Variants in PTPRD observed in about 807,000 individuals in gnomAD.
The protein encoded by PTPRD is protein tyrosine phosphatase receptor type D.
In PTPRD, 34 loss-of-function variants were observed where a neutral mutation model predicts 214.5. The ratio of observed to expected loss-of-function variants is 0.16; its 90% CI spans 0.12 to 0.21. The LOEUF (loss-of-function observed/expected upper bound fraction) is 0.21, where lower values mean the gene tolerates loss of function less well. PTPRD is among the 10% of genes least tolerant of loss of function. The probability of loss-of-function intolerance (pLI) is 1.00; values close to 1 mark genes in which losing one functional copy is unlikely to be tolerated. For synonymous variants in PTPRD, 1,128 were observed against 845.7 expected (o/e 1.33, Z -5.79); for missense variants, 2,545 against 2,398.7 (o/e 1.06, Z -1.27).
intron 11 of PTPRD, among the ~76,000 whole-genome samples, chr9:8,907,533 A>AAAAAAT (rs3046919): frequency 1.5e-4 from 18 of 118,228 alleles, no homozygotes; most frequent in African/African-American, 5.3e-4. Flanking sequence ...AAAAAAAAAA[A>AAAAAAT]ATATATATAT....
chr9:9,882,177 C>G (rs2068946954), intron 5 of PTPRD, among the ~76,000 whole-genome samples: 2 of 152,088 alleles, frequency 1.3e-5, no homozygotes, highest in Admixed American at 1.3e-4. Flanking sequence ...TTTCTCTCCT[C>G]CAACATGCCC....
At position 8,413,488 on chromosome 9, in the gene PTPRD, C is replaced by G. The variant is rs10977061; in HGVS notation, c.4087-8828G>C. ...TAATCACTTAAAAAACTCTTGTACC[C>G]CATTTCATACCAAATGTATTTAGTA... On this transcript the variant is annotated intron_variant, in intron 35 of 45. Transcript: ENST00000381196. 6.2e-3 allele frequency among the ~76,000 whole-genome samples: 937 copies of G among 152,182 alleles called. 12 individuals are homozygous for G. The highest frequency in any genetic ancestry group is 0.022 in the African/African-American group (894 of 41,528).
At chr9:9,734,207 A>C (rs1356573993) in intron 7 of PTPRD, among the ~76,000 whole-genome samples, 2 of 152,140 alleles carry the variant, frequency 1.3e-5, no homozygotes, top group African/African-American at 2.4e-5. Flanking sequence ...AAAATTTTCC[A>C]CATTTTACCG....
At chr9:10,392,217 A>G (rs1045598812) in intron 2 of PTPRD, among the ~76,000 whole-genome samples, 5 of 152,020 alleles carry the variant, frequency 3.3e-5, no homozygotes, top group African/African-American at 1.2e-4. Flanking sequence ...AGATATAATC[A>G]TGCATAATGT....
At chr9:8,534,022 G>C (rs2076329612) in intron 14 of PTPRD, among the ~76,000 whole-genome samples, 1 of 151,940 alleles carries the variant, frequency 6.6e-6, no homozygotes, top group Admixed American at 6.6e-5. Flanking sequence ...AGGAGTATTA[G>C]AATTAGAGAC....
intron 2 of PTPRD, among the ~76,000 whole-genome samples, chr9:10,587,038 C>G (rs2074107444): frequency 6.6e-6 from 1 of 151,916 alleles, no homozygotes; most frequent in Non-Finnish European, 1.5e-5. Flanking sequence ...ATAAATAGAT[C>G]ACTGTTAAAA....
At chr9:9,441,080 A>G (rs1454436483) in intron 8 of PTPRD, among the ~76,000 whole-genome samples, 2 of 152,170 alleles carry the variant, frequency 1.3e-5, no homozygotes, top group African/African-American at 4.8e-5. Flanking sequence ...TATCTCAACC[A>G]ATAATTTAAT....
chr9:8,840,641 G>A (rs780926917), intron 11 of PTPRD, among the ~76,000 whole-genome samples: 6 of 152,106 alleles, frequency 3.9e-5, no homozygotes, highest in East Asian at 1.9e-4. Context: ...ATGCCTTTCC[G>A]GTTTTTAATC....
At chr9:9,647,307 C>A (rs1324195798) in intron 7 of PTPRD, among the ~76,000 whole-genome samples, 1 of 152,082 alleles carries the variant, frequency 6.6e-6, no homozygotes, top group Admixed American at 6.6e-5. Flanking sequence ...CTGCTAATTG[C>A]AAAATCTAAA....
chr9:8,781,398 G>T (rs1428696326), intron 11 of PTPRD, among the ~76,000 whole-genome samples: 3 of 152,138 alleles, frequency 2.0e-5, no homozygotes. Flanking sequence ...ACCCTTAGGA[G>T]ATAAAGGTAG....
chr9:9,325,290 C>T lies in PTPRD; in HGVS notation c.-203+72159G>A, dbSNP rs188638365. 3.9e-3 allele frequency among the ~76,000 whole-genome samples: 597 copies of T among 152,206 alleles called. 6 individuals are homozygous for T. Among genetic ancestry groups the T allele is most frequent in the African/African-American group, 0.014 (571 of 41,534 alleles). On this transcript the variant is annotated intron_variant, in intron 9 of 45. Transcript: ENST00000381196. ...GTATAAATTACCTTGGGCAGTATGG[C>T]CATTTTCACGATATTGATTCTTCCT...
At chr9:9,985,818 T>C (rs953735425) in intron 4 of PTPRD, among the ~76,000 whole-genome samples, 1 of 151,994 alleles carries the variant, frequency 6.6e-6, no homozygotes, top group Non-Finnish European at 1.5e-5. Flanking sequence ...TGAGTTATCA[T>C]ATTTGAAAGA....
chr9:8,702,610 G>C (rs1026332649), intron 12 of PTPRD, among the ~76,000 whole-genome samples: 3 of 152,108 alleles, frequency 2.0e-5, no homozygotes, highest in Non-Finnish European at 4.4e-5. Flanking sequence ...AATATAAGAG[G>C]TGCAATTTTT....
At chr9:10,064,393 G>T (rs1334094271) in intron 3 of PTPRD, among the ~76,000 whole-genome samples, 1 of 151,970 alleles carries the variant, frequency 6.6e-6, no homozygotes, top group South Asian at 2.1e-4. Context: ...AAAAACATGA[G>T]AAGACTATAA....
intron 9 of PTPRD, among the ~76,000 whole-genome samples, chr9:9,358,656 T>G (rs1404989519): frequency 6.6e-6 from 1 of 151,298 alleles, no homozygotes. Context: ...TCTATAAGCT[T>G]AGCTATTCTA....
chr9:9,187,485 C>T (rs919827947), intron 9 of PTPRD, among the ~76,000 whole-genome samples: 1 of 152,008 alleles, frequency 6.6e-6, no homozygotes, highest in African/African-American at 2.4e-5. Flanking sequence ...TTGTACAATA[C>T]AAAGCCAAGA....
intron 9 of PTPRD, among the ~76,000 whole-genome samples, chr9:9,270,526 C>A (rs982836015): frequency 4.0e-5 from 6 of 151,238 alleles, no homozygotes; most frequent in Non-Finnish European, 8.9e-5. Flanking sequence ...GGAAGGCTGA[C>A]GTGGCTGAGT....
intron 10 of PTPRD, among the ~76,000 whole-genome samples, chr9:9,169,907 G>A (rs1288769493): frequency 6.6e-6 from 1 of 152,088 alleles, no homozygotes; most frequent in Non-Finnish European, 1.5e-5. Context: ...ACAGTTTTAG[G>A]AAAAGTCCTG....
At chr9:10,398,427 T>C (rs569901748) in intron 2 of PTPRD, among the ~76,000 whole-genome samples, 3 of 151,964 alleles carry the variant, frequency 2.0e-5, no homozygotes, top group Non-Finnish European at 4.4e-5. Flanking sequence ...AACTGTATTC[T>C]TTTACTATAA....
Sources: gnomAD v4.1 joint callset for allele counts (sites outside exome capture counted in the v4.1 genomes callset) on GRCh38, gnomAD v4.1.1 for gene constraint, MANE v1.5 for transcripts, NCBI Gene and HGNC (gene_info 2026-07-23, HGNC 2026-07-21) for gene names.